SNW1: variants seen among roughly 807,000 people sequenced by gnomAD.
The protein encoded by SNW1 is SNW domain containing 1.
SNW1 carries 9 observed loss-of-function variants against 75.6 expected under a neutral mutation model. The observed-to-expected ratio is 0.12, with a 90% confidence interval of 0.07 to 0.21. The LOEUF (loss-of-function observed/expected upper bound fraction) is 0.21, where lower values mean the gene tolerates loss of function less well. Ranked by LOEUF, SNW1 falls within the 10% of genes least tolerant of loss-of-function variation. The pLI is 1.00. For missense variants in SNW1, 409 were observed against 670.9 expected (o/e 0.61, Z 4.31); for synonymous variants, 200 against 219.1 (o/e 0.91, Z 0.77).
At chr14:77,734,291 C>G (rs2080652242) in intron 8 of SNW1, among the ~76,000 whole-genome samples, 1 of 152,164 alleles carries the variant, frequency 6.6e-6, no homozygotes, top group African/African-American at 2.4e-5. Context: ...TTACTCTGTT[C>G]TTTTGTCATA....
chr14:77,748,666 C>A (rs928196837), intron 3 of SNW1, among the ~76,000 whole-genome samples: 1 of 151,944 alleles, frequency 6.6e-6, no homozygotes, highest in Non-Finnish European at 1.5e-5. Context: ...TAGCTCACTG[C>A]AAGCTCTGCC....
At chr14:77,736,108 G>A in intron 6 of SNW1, 102 bp from the exon 7 acceptor site, 1 of 753,798 alleles carries the variant, frequency 1.3e-6, no homozygotes, top group Admixed American at 2.6e-5. Flanking sequence ...TTCAAACATA[G>A]ACAAAAACAG....
At chr14:77,746,372 T>C (rs2080760494) in intron 3 of SNW1, among the ~76,000 whole-genome samples, 1 of 152,190 alleles carries the variant, frequency 6.6e-6, no homozygotes, top group Admixed American at 6.6e-5. Context: ...GAAAACAGCC[T>C]GAACTAAGTA....
intron 3 of SNW1, among the ~76,000 whole-genome samples, chr14:77,747,818 G>A (rs536000145): frequency 1.3e-3 from 179 of 139,812 alleles, no homozygotes; most frequent in Middle Eastern, 5.3e-3. Context: ...CCTGGCCGCC[G>A]CCCCATCCGG....
rs544741645 is a variant in SNW1, at chr14:77,733,189, C to T, written c.775-588G>A. The stretch of plus-strand genomic sequence containing the variant: ...GATGCTTTGGTAACATCCCCAAGGT[C>T]ATACAGTTAGTAAGTGGGCGATTAG... On this transcript the variant is annotated intron_variant, in intron 8 of 13. Transcript: ENST00000261531. Among the ~76,000 whole-genome samples the T allele has an allele frequency of 5.2e-4, 74 of 143,328 alleles. No homozygotes were observed. In the South Asian group the frequency reaches 0.017, roughly 33 times the overall value. The allele number at this position is 143,328 out of a possible 152,430, so 94.0% of individuals were successfully genotyped here.
rs1298368283 is a variant in SNW1 at position 77,751,403 on chromosome 14, C to T, written c.246G>A (p.Met82Ile). The T allele has an allele frequency of 6.2e-7, 1 of 1,613,894 alleles. No individual in the cohort carries two copies. The highest frequency in any genetic ancestry group is 1.7e-5 in the Admixed American group (1 of 59,982). ...YPLDMGRKKK[M>I]SNALAIQVDS... ...CCACCTGAATGGCCAGCGCATTCGA[C>T]ATTTTTTTCTTTCGTCCCATATCCA... Residue 82 changes from methionine (M) to isoleucine (I), a missense_variant, in exon 3 of 14, where the codon ATG (methionine) becomes ATA (isoleucine). This residue lies in a region of SNW1 where 60 missense variants were observed against 62.6 expected (regional missense o/e 0.96). Transcript: ENST00000261531.
At chr14:77,722,425 CTT>C (rs1265609864) in intron 11 of SNW1, 3 of 405,364 alleles carry the variant, frequency 7.4e-6, no homozygotes, top group Admixed American at 3.2e-5. Context: ...CAAAACTGCT[CTT>C]CTCCTCAATT....
chr14:77,730,955 G>A (rs773541873), intron 10 of SNW1, 33 bp downstream of exon 10: 7 of 1,597,150 alleles, frequency 4.4e-6, no homozygotes, highest in Non-Finnish European at 6.0e-6. Context: ...TGTTCACCAA[G>A]CAAAATTCAA....
At chr14:77,758,027 G>GCAATCAAT in intron 1 of SNW1, among the ~76,000 whole-genome samples, 1 of 151,340 alleles carries the variant, frequency 6.6e-6, no homozygotes, top group East Asian at 1.9e-4. Flanking sequence ...TCTATCTATT[G>GCAATCAAT]CAATCAATCA....
At chr14:77,738,007 A>AAG (rs998326942) in intron 5 of SNW1, among the ~76,000 whole-genome samples, 9 of 150,082 alleles carry the variant, frequency 6.0e-5, no homozygotes, top group African/African-American at 1.2e-4. Context: ...AAAAAAAAAA[A>AAG]AAAGAAAATA....
chr14:77,741,096 C>CAAAA (rs60307573), intron 3 of SNW1, among the ~76,000 whole-genome samples: 1 of 87,270 alleles, frequency 1.1e-5, no homozygotes, highest in Non-Finnish European at 2.2e-5. Flanking sequence ...AAACTGTCTC[C>CAAAA]AAAAAAAAAA....
At chr14:77,727,620 C>T (rs566835764) in intron 10 of SNW1, among the ~76,000 whole-genome samples, 2 of 152,108 alleles carry the variant, frequency 1.3e-5, no homozygotes, top group African/African-American at 4.8e-5. Flanking sequence ...TTTTCAAATG[C>T]TTTTTCAGTT....
chr14:77,739,177 G>T, intron 3 of SNW1, 116 bp from the exon 4 acceptor site: 1 of 728,502 alleles, frequency 1.4e-6, no homozygotes. Context: ...AGGACACTCA[G>T]ATTTTCTCTT....
intron 12 of SNW1, among the ~76,000 whole-genome samples, chr14:77,719,775 G>A (rs1566825049): frequency 1.3e-5 from 2 of 152,104 alleles, no homozygotes; most frequent in Admixed American, 6.6e-5. Context: ...TATTTCATAG[G>A]ATTTTTGTAA....
intron 1 of SNW1, 187 bp downstream of exon 1, chr14:77,760,927 G>A (rs1224872434): frequency 6.6e-6 from 9 of 1,366,710 alleles, no homozygotes; most frequent in South Asian, 6.0e-5. Flanking sequence ...CCGGGAAACC[G>A]CTGAAAGACC....
At position 77,738,884 on chromosome 14, in the gene SNW1, T is replaced by C; in HGVS notation, c.427A>G (p.Ile143Val). The change falls in exon 5 of 14, where the codon ATA becomes GTA. Residue 143 changes from isoleucine (I) to valine (V), a missense_variant and splice_region_variant. Ile to Val is a conservative substitution (Grantham distance 29, BLOSUM62 3). Around this residue, in one of 9 missense-constraint regions of SNW1, gnomAD observed 70 missense variants for 136.7 expected, o/e 0.51. Transcript: ENST00000261531. ...QRPDEEAIKE[I>V]TEKTRVALEK... ...AAGGCTACTCTTGTCTTTTCTGTTA[T>C]CTGAAATAGGAAATATCACATTGAG... 2.5e-6 allele frequency: 4 copies of C among 1,613,552 alleles called. No individual in the cohort carries two copies. The highest frequency in any genetic ancestry group is 1.3e-5 in the African/African-American group (1 of 75,046).
rs551165934 is a variant in SNW1 at position 77,725,156 on chromosome 14, G to A, written c.1034-1879C>T. Among the ~76,000 whole-genome samples the A allele has an allele frequency of 3.9e-5, 6 of 152,290 alleles. No homozygotes were observed. The East Asian group carries it at 5.8e-4, about 15-fold the overall frequency. ...CATAAGTATGTCTTCTTTTGAGACC[G>A]TCTATTCAGATCATTTGCCCATTTT... On this transcript the variant is annotated intron_variant, in intron 10 of 13. Coordinates refer to ENST00000261531, the MANE Select transcript of SNW1 (RefSeq NM_012245.3).
intron 10 of SNW1, among the ~76,000 whole-genome samples, chr14:77,730,668 C>T (rs1595078637): frequency 6.6e-6 from 1 of 152,086 alleles, no homozygotes; most frequent in Non-Finnish European, 1.5e-5. Flanking sequence ...CTGTTAGATA[C>T]CTAATTTCTC....
In SNW1 at chr14:77,760,653, G is replaced by A. The variant is rs1274667514; in HGVS notation, c.14+461C>T. On this transcript the variant is annotated intron_variant, in intron 1 of 13. Transcript: ENST00000261531. ...TTCAGCTCCGGGCCTCTTTTTTCAG[G>A]AATCCTTGTTTCGGGACACCCAGTG... is the stretch of plus-strand genomic sequence containing the variant. 5.7e-6 allele frequency: 4 copies of A among 702,168 alleles called. No individual in the cohort carries two copies. The East Asian group carries it at 1.1e-4, about 19-fold the overall frequency. The allele number at this position is 702,168 out of a possible 1,614,324, so 43.5% of individuals were successfully genotyped here. A position where few individuals can be genotyped will look rare whatever the true frequency, so the allele number is the denominator to read the frequency against.
Sources: allele counts gnomAD v4.1 joint callset (sites outside exome capture counted in the v4.1 genomes callset), GRCh38; gene constraint gnomAD v4.1.1; regional missense constraint gnomAD v4.1.1; transcripts MANE v1.5; gene names NCBI Gene and HGNC (gene_info 2026-07-23, HGNC 2026-07-21).